The following PCID2 variants were observed in gnomAD, a reference collection of about 807,000 sequenced individuals.
PCID2 encodes the protein PCI domain-containing protein 2.
PCID2 carries 41 observed loss-of-function variants against 61.3 expected under a neutral mutation model. The ratio of observed to expected loss-of-function variants is 0.67; its 90% CI spans 0.52 to 0.87. PCID2 has a LOEUF of 0.87. PCID2 is among the 40% of genes least tolerant of loss of function. The pLI, the probability that PCID2 is intolerant of heterozygous loss-of-function variation, is 0.00. For synonymous variants in PCID2, 187 were observed against 177.8 expected (o/e 1.05, Z -0.41); for missense variants, 392 against 493.4 (o/e 0.79, Z 1.95).
intron 3 of PCID2, among the ~76,000 whole-genome samples, chr13:113,197,871 T>C (rs2039138356): frequency 6.6e-6 from 1 of 152,248 alleles, no homozygotes; most frequent in East Asian, 1.9e-4. Context: ...CAACTCTAAT[T>C]TCTTTCCCAG....
At chr13:113,174,933 T>C (rs1054398549), downstream of PCID2, among the ~76,000 whole-genome samples, 2 of 152,338 alleles carry the variant, frequency 1.3e-5, no homozygotes, top group Admixed American at 6.5e-5. Flanking sequence ...GCCTTGACTT[T>C]GCGTCTCCAC....
chr13:113,195,719 T>C (rs1165764188), intron 5 of PCID2, among the ~76,000 whole-genome samples: 1 of 152,122 alleles, frequency 6.6e-6, no homozygotes, highest in Non-Finnish European at 1.5e-5. Context: ...CCTTTGGTTA[T>C]TTCAGTATAA....
intron 7 of PCID2, chr13:113,188,519 T>A (rs2038322525): frequency 6.6e-6 from 1 of 152,158 alleles, no homozygotes; most frequent in Non-Finnish European, 1.5e-5. Flanking sequence ...CATTACAACC[T>A]CATTTGCATG....
chr13:113,194,254 G>C lies in PCID2; in HGVS notation c.363+817C>G, dbSNP rs118050163. Among the ~76,000 whole-genome samples the C allele has an allele frequency of 1.7e-4, 26 of 152,268 alleles. No homozygotes were observed. The East Asian group carries it at 5.0e-3, about 29-fold the overall frequency. Reference sequence around the variant, plus strand: ...CCTGGCACTGGAGTGAGGCAGTGACGGTCAGAGTTCTGTCTTGCTGGATTG... The same window carrying C: ...CCTGGCACTGGAGTGAGGCAGTGACCGTCAGAGTTCTGTCTTGCTGGATTG... On this transcript the variant is annotated intron_variant, in intron 6 of 13. Transcript: ENST00000337344.
chr13:113,168,941 C>T, the PCID2 span, among the ~76,000 whole-genome samples: 1 of 152,256 alleles, frequency 6.6e-6, no homozygotes, highest in African/African-American at 2.4e-5. Flanking sequence ...GTTGCTCAGG[C>T]TGGTCTCAAA....
intron 6 of PCID2, among the ~76,000 whole-genome samples, chr13:113,194,742 C>T (rs551860816): frequency 1.2e-4 from 19 of 152,192 alleles, no homozygotes; most frequent in African/African-American, 4.3e-4. Flanking sequence ...GGGAGCAGGC[C>T]ACATCTTAAA....
intron 6 of PCID2, among the ~76,000 whole-genome samples, chr13:113,191,353 G>C (rs998579556): frequency 5.9e-5 from 9 of 151,888 alleles, no homozygotes. Flanking sequence ...ATTTCTTGAA[G>C]CAAAAAATGG....
intron 9 of PCID2, among the ~76,000 whole-genome samples, chr13:113,182,713 C>G (rs535104520): frequency 6.6e-6 from 1 of 152,252 alleles, no homozygotes; most frequent in African/African-American, 2.4e-5. Context: ...TGGTCTCGAT[C>G]TCCTGACCTC....
the PCID2 span, chr13:113,170,518 A>G: frequency 6.4e-7 from 1 of 1,567,038 alleles, no homozygotes; most frequent in Non-Finnish European, 8.8e-7. Flanking sequence ...CAGGAATATT[A>G]CTGTAAAAAC....
chr13:113,208,375 G>A, intron 1 of PCID2: 1 of 1,435,344 alleles, frequency 7.0e-7, no homozygotes, highest in Non-Finnish European at 9.1e-7. Context: ...GCGATCCACG[G>A]ACACCGCCCG....
rs1595255498 is a variant in PCID2, at chr13:113,200,360, T to C, written c.126+67A>G. 3.3e-6 allele frequency: 3 copies of C among 904,546 alleles called. No individual in the cohort carries two copies. In the East Asian group the frequency reaches 7.2e-5, roughly 22 times the overall value. The allele number at this position is 904,546 out of a possible 1,614,324, so 56.0% of individuals were successfully genotyped here. A position where few individuals can be genotyped will look rare whatever the true frequency, so the allele number is the denominator to read the frequency against. On this transcript the variant is annotated intron_variant, in intron 2 of 13. Coordinates refer to ENST00000337344, the MANE Select transcript of PCID2 (RefSeq NM_001127202.4). The stretch of plus-strand genomic sequence containing the variant: ...TTTTCTTCTTACTCAAACTCTACGC[T>C]TCTCTTAGGAAAGTGGTTACCCTGT...
chr13:113,203,860 G>C (rs147793006), intron 1 of PCID2, among the ~76,000 whole-genome samples: 1 of 152,330 alleles, frequency 6.6e-6, no homozygotes, highest in East Asian at 1.9e-4. Context: ...ATCCCACCCA[G>C]GTCTTGGTCT....
At chr13:113,192,601 C>A (rs954271024) in intron 6 of PCID2, among the ~76,000 whole-genome samples, 1 of 152,160 alleles carries the variant, frequency 6.6e-6, no homozygotes, top group African/African-American at 2.4e-5. Flanking sequence ...TCAAGAAAAA[C>A]CAGAATTCTG....
rs1326544632 is a variant in PCID2, at chr13:113,181,246, A to G, written c.686-16T>C. ...TACTCCTCAGCTGCAAAGAAGGCAG[A>G]GCCAGCACGCATGAGACCAACGCAC... On this transcript the variant is annotated splice_polypyrimidine_tract_variant and intron_variant, in intron 9 of 13. Coordinates refer to ENST00000337344, the MANE Select transcript of PCID2 (RefSeq NM_001127202.4). 3.2e-6 allele frequency: 5 copies of G among 1,561,250 alleles called. No homozygotes were observed. Among genetic ancestry groups the G allele is most frequent in the Non-Finnish European group, 4.4e-6 (5 of 1,132,340 alleles).
chr13:113,165,339 CT>C, the PCID2 span, among the ~76,000 whole-genome samples: 2 of 152,176 alleles, frequency 1.3e-5, no homozygotes, highest in Non-Finnish European at 2.9e-5. Flanking sequence ...CCCCCAAGAC[CT>C]TTCCTCTGCA....
chr13:113,197,577 C>T (rs985521470), intron 3 of PCID2, among the ~76,000 whole-genome samples: 1 of 152,194 alleles, frequency 6.6e-6, no homozygotes, highest in Non-Finnish European at 1.5e-5. Flanking sequence ...GTTAGTTCAT[C>T]GCCAAATCTG....
At chr13:113,195,014 AAC>A in intron 6 of PCID2, 55 bp downstream of exon 6, 1 of 1,199,250 alleles carries the variant, frequency 8.3e-7, no homozygotes, top group South Asian at 1.2e-5. Context: ...GAAATTAAAC[AAC>A]AGATAGTCAC....
chr13:113,192,000 T>C (rs555318718), intron 6 of PCID2, among the ~76,000 whole-genome samples: 13 of 152,320 alleles, frequency 8.5e-5, no homozygotes, highest in Non-Finnish European at 1.5e-4. Flanking sequence ...TTCACACCTG[T>C]AATCCCAGCA....
At chr13:113,188,210 C>T (rs1203326499) in intron 7 of PCID2, 2 of 152,240 alleles carry the variant, frequency 1.3e-5, no homozygotes, top group Non-Finnish European at 2.9e-5. Context: ...GGAGAACCTT[C>T]CAGCAAAGGA....
Sources: gnomAD v4.1 joint callset for allele counts (sites outside exome capture counted in the v4.1 genomes callset) on GRCh38, gnomAD v4.1.1 for gene constraint, MANE v1.5 for transcripts, NCBI Gene and HGNC (gene_info 2026-07-23, HGNC 2026-07-21) for gene names.